Variants in MICU2 observed in about 807,000 individuals in gnomAD.
MICU2 encodes the protein mitochondrial calcium uptake 2.
Under a neutral mutation model 60.4 loss-of-function variants are expected in MICU2, and 64 were observed. That is an observed-to-expected ratio of 1.06 (90% confidence interval 0.87 to 1.31). The LOEUF is 1.31. MICU2 is among the 50% of genes most tolerant of loss of function. The pLI is 0.00. For missense variants in MICU2, 569 were observed against 531.0 expected, an observed-to-expected ratio of 1.07 and a Z score of -0.70; for synonymous variants, 201 against 175.0, an observed-to-expected ratio of 1.15 and a Z score of -1.17.
intron 1 of MICU2, among the ~76,000 whole-genome samples, chr13:21,585,097 G>T (rs1163704681): frequency 6.6e-6 from 1 of 152,208 alleles, no homozygotes; most frequent in Admixed American, 6.5e-5. Context: ...ATGAAGGAAT[G>T]TAAGACAACC....
chr13:21,525,335 G>A (rs1886824114), intron 4 of MICU2, among the ~76,000 whole-genome samples: 2 of 151,648 alleles, frequency 1.3e-5, no homozygotes, highest in African/African-American at 4.8e-5. Flanking sequence ...TGGGACTACA[G>A]GCGCCCACCA....
At chr13:21,510,560 G>C (rs1886401140) in intron 7 of MICU2, among the ~76,000 whole-genome samples, 1 of 152,106 alleles carries the variant, frequency 6.6e-6, no homozygotes, top group Admixed American at 6.5e-5. Context: ...TAAACGTAAT[G>C]AGTGAGGCAG....
At chr13:21,526,285 C>G (rs1200025) in intron 4 of MICU2, among the ~76,000 whole-genome samples, 148,035 of 151,904 alleles carry the variant, frequency 0.97, 72,238 homozygotes, top group Middle Eastern at 1. Context: ...TTAATATATA[C>G]GTTTTCTCCC....
chr13:21,539,814 G>A (rs1384326966), intron 2 of MICU2, 126 bp from the exon 3 acceptor site: 3 of 862,812 alleles, frequency 3.5e-6, no homozygotes, highest in African/African-American at 3.4e-5. Flanking sequence ...GCAAAGGCTT[G>A]TAATTTTAGC....
chr13:21,546,596 GTC>G (rs1211714569), intron 2 of MICU2, among the ~76,000 whole-genome samples: 7 of 152,218 alleles, frequency 4.6e-5, no homozygotes, highest in African/African-American at 1.4e-4. Flanking sequence ...GGTCCTGCCA[GTC>G]TCCTCTATTG....
At chr13:21,534,011 C>G (rs533689146) in intron 4 of MICU2, among the ~76,000 whole-genome samples, 10 of 151,438 alleles carry the variant, frequency 6.6e-5, no homozygotes, top group African/African-American at 2.4e-4. Flanking sequence ...TCACTTGAAC[C>G]CGGGAGGTGG....
At chr13:21,494,337 AC>A (rs1246930836) in intron 11 of MICU2, among the ~76,000 whole-genome samples, 1 of 151,788 alleles carries the variant, frequency 6.6e-6, no homozygotes, top group Non-Finnish European at 1.5e-5. Flanking sequence ...TTCTCTTTGG[AC>A]CCTAGTCTTC....
intron 2 of MICU2, among the ~76,000 whole-genome samples, chr13:21,546,869 A>C (rs968339776): frequency 2.0e-5 from 3 of 152,244 alleles, no homozygotes; most frequent in African/African-American, 7.2e-5. Context: ...ACTTACTATT[A>C]GTTCTAATAG....
At chr13:21,589,946 G>C (rs1467547453) in intron 1 of MICU2, among the ~76,000 whole-genome samples, 1 of 152,174 alleles carries the variant, frequency 6.6e-6, no homozygotes. Context: ...CCGTCTGTAA[G>C]GGCGCACCCT....
chr13:21,589,078 G>C (rs1234439395), intron 1 of MICU2, among the ~76,000 whole-genome samples: 1 of 152,170 alleles, frequency 6.6e-6, no homozygotes, highest in Non-Finnish European at 1.5e-5. Flanking sequence ...GAAAGAGTAG[G>C]AGTTTGCATC....
At chr13:21,603,883 G>A (rs1227655428) in intron 1 of MICU2, 56 bp downstream of exon 1, 8 of 1,584,338 alleles carry the variant, frequency 5.0e-6, no homozygotes, top group Admixed American at 3.4e-5. Flanking sequence ...CCCGCCTAAG[G>A]GCGTCAGGGG....
intron 1 of MICU2, among the ~76,000 whole-genome samples, chr13:21,592,598 T>G (rs1888607314): frequency 6.6e-6 from 1 of 152,198 alleles, no homozygotes; most frequent in Non-Finnish European, 1.5e-5. Context: ...TGAACATTGA[T>G]GCGAAAATCC....
At chr13:21,576,021 G>C (rs1888220128) in intron 1 of MICU2, among the ~76,000 whole-genome samples, 1 of 152,122 alleles carries the variant, frequency 6.6e-6, no homozygotes, top group Non-Finnish European at 1.5e-5. Flanking sequence ...CTCCCTAGTG[G>C]GGAAGGCATA....
intron 1 of MICU2, among the ~76,000 whole-genome samples, chr13:21,586,197 C>T (rs1200029): frequency 0.98 from 148,508 of 152,286 alleles, 72,509 homozygotes; most frequent in Middle Eastern, 1. Flanking sequence ...CAGTAGCAGA[C>T]TAAGATCCCT....
chr13:21,496,490 T>C (rs1310419892), intron 9 of MICU2: 3 of 267,040 alleles, frequency 1.1e-5, no homozygotes, highest in East Asian at 1.9e-4. Flanking sequence ...AGGCGGCAGC[T>C]TGAAGAGACT....
chr13:21,546,001 A>G (rs1249346640), intron 2 of MICU2, among the ~76,000 whole-genome samples: 1 of 152,200 alleles, frequency 6.6e-6, no homozygotes, highest in Non-Finnish European at 1.5e-5. Flanking sequence ...TATGTACCCC[A>G]TAAGTATGTA....
intron 2 of MICU2, among the ~76,000 whole-genome samples, chr13:21,558,000 A>G (rs1887749535): frequency 6.6e-6 from 1 of 152,170 alleles, no homozygotes; most frequent in Admixed American, 6.5e-5. Context: ...TGTCCAGTAG[A>G]GTCATATATT....
intron 1 of MICU2, among the ~76,000 whole-genome samples, chr13:21,575,475 C>T (rs913325634): frequency 8.6e-5 from 13 of 150,632 alleles, no homozygotes; most frequent in African/African-American, 3.2e-4. Flanking sequence ...GTAATCCCAG[C>T]ATGTTGGGAG....
Position 21,525,181 on chromosome 13 carries a change from ATTTTTTTTTTTTT to A in MICU2, c.467-2544_467-2532del, listed in dbSNP as rs71093324. 2.6e-3 allele frequency among the ~76,000 whole-genome samples: 216 copies of A among 83,310 alleles called. 2 individuals are homozygous for A. The highest frequency in any genetic ancestry group is 0.011 in the Admixed American group (71 of 6,336). The allele number at this position is 83,310 out of a possible 152,430, so 54.7% of individuals were successfully genotyped here. ...TCATACAGTAATGCTGTGTAATTCAATTTTTTTTTTTTTTTTTTTTTTTTTTTTTGAGATGGAG... is the reference window on the plus strand; with the variant it reads ...TCATACAGTAATGCTGTGTAATTCAATTTTTTTTTTTTTTTTGAGATGGAG... On this transcript the variant is annotated intron_variant, in intron 4 of 11. Coordinates refer to ENST00000382374, the MANE Select transcript of MICU2 (RefSeq NM_152726.3).
Sources: gnomAD v4.1 joint callset for allele counts (sites outside exome capture counted in the v4.1 genomes callset) on GRCh38, gnomAD v4.1.1 for gene constraint, MANE v1.5 for transcripts, NCBI Gene and HGNC (gene_info 2026-07-23, HGNC 2026-07-21) for gene names.